VTI1A: variants seen among roughly 807,000 people sequenced by gnomAD.
VTI1A encodes vesicle transport through interaction with t-SNAREs 1A.
A neutral mutation model predicts 34.9 loss-of-function variants in VTI1A; 22 were observed. The observed-to-expected ratio is 0.63, with a 90% confidence interval of 0.45 to 0.90. The LOEUF is 0.90. VTI1A is among the 40% of genes least tolerant of loss of function. The probability of loss-of-function intolerance (pLI) is 0.00; values close to 1 mark genes in which losing one functional copy is unlikely to be tolerated. For synonymous variants in VTI1A, 87 were observed against 97.3 expected (o/e 0.89, Z 0.62); for missense variants, 268 against 275.6 (o/e 0.97, Z 0.20).
At chr10:112,510,615 G>A (rs1321091703) in intron 3 of VTI1A, among the ~76,000 whole-genome samples, 2 of 152,150 alleles carry the variant, frequency 1.3e-5, no homozygotes, top group East Asian at 3.9e-4. Context: ...CAGCATGGAC[G>A]ACAGTGAGGC....
intron 5 of VTI1A, among the ~76,000 whole-genome samples, chr10:112,609,404 C>T (rs1198907352): frequency 3.3e-5 from 5 of 152,156 alleles, no homozygotes; most frequent in African/African-American, 1.2e-4. Context: ...AAAGTAATTA[C>T]ATTTGTAGTA....
intron 2 of VTI1A, among the ~76,000 whole-genome samples, chr10:112,462,957 C>T (rs1422084098): frequency 6.6e-6 from 1 of 151,748 alleles, no homozygotes; most frequent in East Asian, 1.9e-4. Flanking sequence ...CGGAGTCTCG[C>T]TCCATCGCCC....
At chr10:112,634,352 T>C (rs925941996) in intron 5 of VTI1A, 2 of 152,554 alleles carry the variant, frequency 1.3e-5, no homozygotes, top group Admixed American at 6.5e-5. Flanking sequence ...CCCTCTCATA[T>C]GGTGTTGACT....
intron 5 of VTI1A, among the ~76,000 whole-genome samples, chr10:112,566,682 C>T (rs893226943): frequency 6.6e-6 from 1 of 152,114 alleles, no homozygotes. Context: ...CTATTTACCC[C>T]TTAGCAAACG....
intron 7 of VTI1A, among the ~76,000 whole-genome samples, chr10:112,716,002 C>T (rs1430112056): frequency 6.6e-6 from 1 of 152,242 alleles, no homozygotes; most frequent in Middle Eastern, 3.4e-3. Flanking sequence ...TCTTGGCACT[C>T]GGGATGCGCA....
chr10:112,781,569 G>A (rs954017421), intron 7 of VTI1A, among the ~76,000 whole-genome samples: 7 of 152,008 alleles, frequency 4.6e-5, no homozygotes, highest in African/African-American at 7.2e-5. Flanking sequence ...GGCCAGGAGC[G>A]GTGGCTCACA....
At chr10:112,454,271 G>A (rs1012348659) in intron 1 of VTI1A, among the ~76,000 whole-genome samples, 6 of 152,132 alleles carry the variant, frequency 3.9e-5, no homozygotes, top group Non-Finnish European at 8.8e-5. Flanking sequence ...TGCTGATTAA[G>A]CACTTCTGTA....
At chr10:112,735,262 T>C (rs771434417) in intron 7 of VTI1A, among the ~76,000 whole-genome samples, 4 of 152,348 alleles carry the variant, frequency 2.6e-5, no homozygotes, top group Non-Finnish European at 2.9e-5. Context: ...TAGACTCGAT[T>C]GAATTTAGGC....
At chr10:112,563,176 T>C (rs1355029907) in intron 5 of VTI1A, among the ~76,000 whole-genome samples, 1 of 152,212 alleles carries the variant, frequency 6.6e-6, no homozygotes, top group African/African-American at 2.4e-5. Flanking sequence ...CATTATCTTC[T>C]GTGACACCAG....
intron 3 of VTI1A, among the ~76,000 whole-genome samples, chr10:112,502,180 A>G (rs1228394477): frequency 2.0e-5 from 3 of 151,452 alleles, no homozygotes; most frequent in Non-Finnish European, 4.4e-5. Flanking sequence ...GGTGCATGCC[A>G]CCACACCCAG....
the VTI1A span, among the ~76,000 whole-genome samples, chr10:112,836,727 A>G: frequency 2.0e-5 from 3 of 152,232 alleles, no homozygotes; most frequent in South Asian, 6.2e-4. Flanking sequence ...CTGTGGATGG[A>G]TGGGACATTG....
intron 7 of VTI1A, among the ~76,000 whole-genome samples, chr10:112,762,683 A>G (rs1198220841): frequency 6.6e-6 from 1 of 152,260 alleles, no homozygotes; most frequent in Non-Finnish European, 1.5e-5. Flanking sequence ...CAGTATTCCA[A>G]TTTCTCATTA....
At chr10:112,665,009 G>T (rs1010097197) in intron 5 of VTI1A, among the ~76,000 whole-genome samples, 3 of 152,130 alleles carry the variant, frequency 2.0e-5, no homozygotes, top group Admixed American at 6.5e-5. Flanking sequence ...TATTTCAAGA[G>T]CAGCAGTATG....
rs1273196370 is a variant in VTI1A at position 112,518,573 on chromosome 10, C to A, written c.265-8514C>A. ...TCTCTCTCTCTCTCTCTCTCTCTCT[C>A]TCTCTCTCTCTCTCTCTATATATAT... On this transcript the variant is annotated intron_variant, in intron 3 of 7. Coordinates refer to ENST00000393077, the MANE Select transcript of VTI1A (RefSeq NM_145206.4). Among the ~76,000 whole-genome samples the A allele has an allele frequency of 9.1e-5, 11 of 120,384 alleles. 1 individual carries two copies. The highest frequency in any genetic ancestry group is 3.4e-4 in the African/African-American group (11 of 32,062). 79.0% of individuals were successfully genotyped at this position (120,384 alleles called of 152,430 possible).
chr10:112,780,277 TAA>T, intron 7 of VTI1A, among the ~76,000 whole-genome samples: 1 of 13,734 alleles, frequency 7.3e-5, no homozygotes, highest in Non-Finnish European at 1.9e-4. Flanking sequence ...TCTCTAAAAA[TAA>T]ATAAATAAAT....
chr10:112,694,407 C>T (rs11196060), intron 7 of VTI1A, among the ~76,000 whole-genome samples: 24,172 of 151,268 alleles, frequency 0.16, 3,725 homozygotes, highest in African/African-American at 0.39. Context: ...GATGGATGGA[C>T]GGACGGACAG....
chr10:112,464,674 C>T lies in VTI1A; in HGVS notation c.264+17C>T. 1.9e-6 allele frequency: 3 copies of T among 1,599,966 alleles called. No homozygotes were observed. Among genetic ancestry groups the T allele is most frequent in the Non-Finnish European group, 1.7e-6 (2 of 1,171,766 alleles). On this transcript the variant is annotated intron_variant, in intron 3 of 7. Transcript: ENST00000393077. The stretch of plus-strand genomic sequence containing the variant: ...ACAGATTTTGTGAGTCAAATTCGAC[C>T]CTTTGTCATATTTACTTTTTTTTAA...
chr10:112,546,367 G>C (rs1851128205), intron 5 of VTI1A, among the ~76,000 whole-genome samples: 1 of 152,010 alleles, frequency 6.6e-6, no homozygotes, highest in Admixed American at 6.6e-5. Flanking sequence ...AGGAATTAGA[G>C]ACCAGCCTTG....
At position 112,543,247 on chromosome 10, in the gene VTI1A, C is replaced by T. The variant is rs1564820122; in HGVS notation, c.427+4917C>T. 2.6e-5 allele frequency among the ~76,000 whole-genome samples: 4 copies of T among 152,256 alleles called. No homozygotes were observed. The South Asian group carries it at 6.2e-4, about 24-fold the overall frequency. On this transcript the variant is annotated intron_variant, in intron 5 of 7. Coordinates refer to ENST00000393077, the MANE Select transcript of VTI1A (RefSeq NM_145206.4). Reference sequence around the variant, plus strand: ...TTCTAGTTCTAGATCCTTGAGGAATCGCCACACTGTCTTCCACAATGGTTG... The same window carrying T: ...TTCTAGTTCTAGATCCTTGAGGAATTGCCACACTGTCTTCCACAATGGTTG...
Sources: gnomAD v4.1 joint callset for allele counts (sites outside exome capture counted in the v4.1 genomes callset) on GRCh38, gnomAD v4.1.1 for gene constraint, MANE v1.5 for transcripts, NCBI Gene and HGNC (gene_info 2026-07-23, HGNC 2026-07-21) for gene names.